The following CACNA1A variants were observed in gnomAD, a reference collection of about 807,000 sequenced individuals.
CACNA1A encodes calcium voltage-gated channel subunit alpha1 A.
Under a neutral mutation model 262.4 loss-of-function variants are expected in CACNA1A, and 57 were observed. The observed-to-expected ratio is 0.22, with a 90% CI of 0.18 to 0.27. The LOEUF (loss-of-function observed/expected upper bound fraction) is 0.27, where lower values mean the gene tolerates loss of function less well. Among genes scored for constraint, CACNA1A ranks in the 10% least tolerant of loss-of-function variants. The pLI is 1.00. For synonymous variants in CACNA1A, 1,431 were observed against 1,419.3 expected, an observed-to-expected ratio of 1.01 and a Z score of -0.18; for missense variants, 2,526 against 3,562.8, an observed-to-expected ratio of 0.71 and a Z score of 7.41.
intron 19 of CACNA1A, among the ~76,000 whole-genome samples, chr19:13,297,885 G>A (rs1404083333): frequency 6.6e-6 from 1 of 151,534 alleles, no homozygotes; most frequent in African/African-American, 2.4e-5. Context: ...GGAGTGTGAT[G>A]GCACGATCTC....
chr19:13,491,943 A>G (rs571388311), intron 1 of CACNA1A, among the ~76,000 whole-genome samples: 3 of 151,630 alleles, frequency 2.0e-5, no homozygotes, highest in Admixed American at 1.3e-4. Flanking sequence ...AATACATCAG[A>G]CTCTTATTTG....
chr19:13,255,338 C>G (rs1281326211), intron 28 of CACNA1A, 79 bp from the exon 29 acceptor site: 6 of 1,351,628 alleles, frequency 4.4e-6, no homozygotes, highest in Non-Finnish European at 6.0e-6. Flanking sequence ...CTGTCTAACT[C>G]GTCGCGGTTC....
At chr19:13,309,684 C>A (rs576429315) in intron 12 of CACNA1A, among the ~76,000 whole-genome samples, 2 of 151,918 alleles carry the variant, frequency 1.3e-5, no homozygotes, top group Admixed American at 6.6e-5. Context: ...CAGAGCAAGA[C>A]CCTATCTCAA....
chr19:13,415,445 T>C (rs2060203652), intron 3 of CACNA1A, among the ~76,000 whole-genome samples: 1 of 151,582 alleles, frequency 6.6e-6, no homozygotes, highest in Non-Finnish European at 1.5e-5. Context: ...GTCATAACAT[T>C]TAGAACTAGA....
chr19:13,440,004 G>A (rs2060687175), intron 3 of CACNA1A, among the ~76,000 whole-genome samples: 1 of 152,102 alleles, frequency 6.6e-6, no homozygotes, highest in African/African-American at 2.4e-5. Flanking sequence ...GCCCAGGCTG[G>A]GCTGGAGTGT....
In CACNA1A at chr19:13,208,821, G is replaced by A. The variant is rs759576380; in HGVS notation, c.6715C>T (p.Arg2239Trp). The A allele has an allele frequency of 1.2e-4, 186 of 1,544,102 alleles. No homozygotes were observed. Among genetic ancestry groups the A allele is most frequent in the Non-Finnish European group, 1.6e-4 (179 of 1,152,316 alleles). Residue 2239 changes from arginine to tryptophan, a missense_variant, in exon 46 of 47, where the codon CGG becomes TGG. This residue lies in a region of CACNA1A where 929 missense variants were observed against 868.1 expected (regional missense o/e 1.07). Transcript: ENST00000360228. ...CGGGACCAGCGCTGGTCCCGAGCCCGTGCCCGGCCGTGGTCCGGCCGTTCC... is the reference window on the plus strand; with the variant it reads ...CGGGACCAGCGCTGGTCCCGAGCCCATGCCCGGCCGTGGTCCGGCCGTTCC... ...AQERPDHGRA[R>W]ARDQRWSRSP...
In CACNA1A at chr19:13,231,683, C is replaced by T. The variant is rs536864304; in HGVS notation, c.5400+27G>A. On this transcript the variant is annotated intron_variant, in intron 35 of 46. Coordinates refer to ENST00000360228, the MANE Select transcript of CACNA1A (RefSeq NM_001127222.2). Reference sequence around the variant, plus strand: ...GGAAGCCAGGCTTAGGGAGCCCAGACGGCCCTCACAGTGTCCACAGACTCA... The same window carrying T: ...GGAAGCCAGGCTTAGGGAGCCCAGATGGCCCTCACAGTGTCCACAGACTCA... The T allele has an allele frequency of 4.4e-6, 7 of 1,598,954 alleles. 1 individual carries two copies. Among genetic ancestry groups the T allele is most frequent in the Middle Eastern group, 1.6e-4 (1 of 6,074 alleles).
rs779704329 is a variant in CACNA1A at position 13,212,482 on chromosome 19, C to A, written c.6091G>T (p.Val2031Leu). The A allele has an allele frequency of 1.9e-6, 3 of 1,593,972 alleles. No homozygotes were observed. The East Asian group carries it at 6.8e-5, about 36-fold the overall frequency. ...ESGLKESPSW[V>L]TQRAQEMFQK... ...AACATCTCCTGGGCACGCTGGGTCA[C>A]CCAGGACGGGCTCTCCTTGAGGCCG... The change falls in exon 42 of 47, where the codon GTG (valine) becomes TTG (leucine). Residue 2031 changes from valine to leucine, a missense_variant. Physicochemically the swap from Val to Leu is conservative, Grantham distance 32. Around this residue, in one of 17 missense-constraint regions of CACNA1A, gnomAD observed 929 missense variants for 868.1 expected, o/e 1.07. Coordinates refer to ENST00000360228, the MANE Select transcript of CACNA1A (RefSeq NM_001127222.2). The surrounding 1 kb of genome is among the most constrained non-coding windows in gnomAD (Gnocchi z 5.6).
At position 13,227,369 on chromosome 19, in the gene CACNA1A, G is replaced by A. The variant is rs66527668; in HGVS notation, c.5625+62C>T. ...GTTTCTGGTCAGCACTAAAAAAAAA[G>A]AAGAAGAAGAAGAAAAAAAAACCCA... is the stretch of plus-strand genomic sequence containing the variant. On this transcript the variant is annotated intron_variant, in intron 37 of 46. Transcript: ENST00000360228. 1.6e-3 allele frequency: 99 copies of A among 62,776 alleles called. 1 individual carries two copies. Among genetic ancestry groups the A allele is most frequent in the South Asian group, 3.4e-3 (11 of 3,196 alleles). The allele number at this position is 62,776 out of a possible 1,614,324, so 3.9% of individuals were successfully genotyped here.
At chr19:13,210,684 A>C (rs2054779165) in intron 43 of CACNA1A, 32 bp from the exon 44 acceptor site, 1 of 1,553,512 alleles carries the variant, frequency 6.4e-7, no homozygotes, top group Non-Finnish European at 8.7e-7. Context: ...GTGCACACAG[A>C]AAAAACAGAA....
chr19:13,444,121 T>C (rs940545727), intron 3 of CACNA1A, among the ~76,000 whole-genome samples: 1 of 152,208 alleles, frequency 6.6e-6, no homozygotes, highest in African/African-American at 2.4e-5. Flanking sequence ...GCAAATATCA[T>C]GACAACCAAA....
intron 6 of CACNA1A, among the ~76,000 whole-genome samples, chr19:13,346,398 T>C (rs144707971): frequency 2.4e-4 from 36 of 151,402 alleles, no homozygotes; most frequent in Non-Finnish European, 4.6e-4. Context: ...ATCTCCTTCA[T>C]GTCTTTCAAA....
At chr19:13,479,816 G>A (rs1198926491) in intron 1 of CACNA1A, among the ~76,000 whole-genome samples, 1 of 152,182 alleles carries the variant, frequency 6.6e-6, no homozygotes, top group East Asian at 1.9e-4. Flanking sequence ...GGGCAAAGAA[G>A]AACATAAACA....
chr19:13,462,473 T>G (rs1457934890), intron 1 of CACNA1A, among the ~76,000 whole-genome samples: 1 of 152,206 alleles, frequency 6.6e-6, no homozygotes, highest in East Asian at 1.9e-4. Context: ...CATACCCCAA[T>G]TTCACTCTGC....
rs563706323 is a variant in CACNA1A at position 13,309,407 on chromosome 19, G to GAGA, written c.1669-882_1669-880dup. Among the ~76,000 whole-genome samples the GAGA allele has an allele frequency of 5.0e-3, 758 of 151,996 alleles. 2 individuals carry two copies. Among genetic ancestry groups the GAGA allele is most frequent in the Middle Eastern group, 0.024 (7 of 294 alleles). Reference sequence around the variant, plus strand: ...AACTACTACCTATGTCAACAATTAGGAGAAGGCTAGGGCAGTGGCTCATGC... The same window carrying GAGA: ...AACTACTACCTATGTCAACAATTAGGAGAAGAAGGCTAGGGCAGTGGCTCATGC... On this transcript the variant is annotated intron_variant, in intron 12 of 46. Transcript: ENST00000360228.
chr19:13,336,031 G>C, intron 6 of CACNA1A, 122 bp from the exon 7 acceptor site: 1 of 599,264 alleles, frequency 1.7e-6, no homozygotes, highest in Non-Finnish European at 3.0e-6. Context: ...TTGGCTTGTG[G>C]AGTTCTGGGG....
In CACNA1A at chr19:13,283,631, C is replaced by T. The variant is rs2057339466; in HGVS notation, c.3693-235G>A. 4 of 464,548 alleles carry T rather than the reference C, an allele frequency of 8.6e-6. No individual in the cohort carries two copies. The South Asian group carries it at 1.1e-4, about 13-fold the overall frequency. 28.8% of individuals were successfully genotyped at this position (464,548 alleles called of 1,614,324 possible). ...TCACATGCCCTGTTTAGCAAAGTTC[C>T]TATCACTCCCAAACGACCCTCTTGA... On this transcript the variant is annotated intron_variant, in intron 21 of 46. Transcript: ENST00000360228.
chr19:13,396,422 A>C (rs542606274), intron 3 of CACNA1A, among the ~76,000 whole-genome samples: 91 of 152,144 alleles, frequency 6.0e-4, no homozygotes, highest in Middle Eastern at 6.8e-3. Context: ...TCTCCATTCC[A>C]TAACATGCAT....
At chr19:13,234,047 C>T (rs1461813775) in intron 34 of CACNA1A, among the ~76,000 whole-genome samples, 6 of 33,598 alleles carry the variant, frequency 1.8e-4, no homozygotes, top group Non-Finnish European at 1.1e-4. Flanking sequence ...GAGACTCCAT[C>T]TAAAAAAAAA....
Sources: allele counts gnomAD v4.1 joint callset (sites outside exome capture counted in the v4.1 genomes callset), GRCh38; gene constraint gnomAD v4.1.1; regional missense constraint gnomAD v4.1.1; non-coding constraint Gnocchi (gnomAD v3.1); transcripts MANE v1.5; gene names NCBI Gene and HGNC (gene_info 2026-07-23, HGNC 2026-07-21).